Variants in ADPRHL1 observed in about 807,000 individuals in gnomAD.
ADPRHL1 encodes inactive ADP-ribosyltransferase ARH2.
Under a neutral mutation model 44.1 loss-of-function variants are expected in ADPRHL1, and 43 were observed. That is an observed-to-expected ratio of 0.98 (90% CI 0.76 to 1.26). The LOEUF (loss-of-function observed/expected upper bound fraction) is 1.26, where lower values mean the gene tolerates loss of function less well. Ranked by LOEUF, ADPRHL1 falls within the 50% of genes most tolerant of loss-of-function variation. ADPRHL1 has a pLI of 0.00. For missense variants in ADPRHL1, 2,022 were observed against 2,496.9 expected (o/e 0.81, Z 4.05); for synonymous variants, 878 against 1,017.4 (o/e 0.86, Z 2.61).
Position 113,451,530 on chromosome 13 carries a change from C to T in ADPRHL1, c.214+1694G>A, listed in dbSNP as rs147451702. Among the ~76,000 whole-genome samples the T allele has an allele frequency of 1.5e-4, 23 of 152,272 alleles. No homozygotes were observed. The East Asian group carries it at 4.1e-3, about 27-fold the overall frequency. On this transcript the variant is annotated intron_variant, in intron 1 of 7. Coordinates refer to ENST00000612156, the MANE Select transcript of ADPRHL1 (RefSeq NM_001394807.1). ...ACTTACTTCCTCCTTAAGAATAGCG[C>T]CCCATGGTGGCTCACGCCTGTCATC...
chr13:113,415,318 T>G (rs1256027428), intron 7 of ADPRHL1, among the ~76,000 whole-genome samples: 2 of 152,148 alleles, frequency 1.3e-5, no homozygotes, highest in African/African-American at 4.8e-5. Context: ...TGGAAAGGGT[T>G]TAACCAAAGG....
At chr13:113,425,670 C>A (rs2043963183) in intron 4 of ADPRHL1, among the ~76,000 whole-genome samples, 2 of 147,878 alleles carry the variant, frequency 1.4e-5, no homozygotes, top group South Asian at 2.2e-4. Context: ...CCATGCCCGG[C>A]CTCTTTTTTC....
At chr13:113,422,077 C>T (rs2043927937) in intron 7 of ADPRHL1, 1 of 152,262 alleles carries the variant, frequency 6.6e-6, no homozygotes. Flanking sequence ...GACAGCGCTT[C>T]CTCGTCAGCG....
Position 113,407,220 on chromosome 13 carries a change from G to T in ADPRHL1, c.2062C>A (p.Pro688Thr). The change falls in exon 8 of 8, where the codon CCC becomes ACC. Residue 688 changes from proline to threonine, a missense_variant. Coordinates refer to ENST00000612156, the MANE Select transcript of ADPRHL1 (RefSeq NM_001394807.1). ...TGAGCCATCACCTGGGGTGTCACGG[G>T]CTTCGAGGGCCTTGGCTGTCTTTGG... ...EPQRQPRPSK[P>T]VTPQVMAQRD... The T allele has an allele frequency of 1.6e-6, 2 of 1,232,240 alleles. No individual in the cohort carries two copies. Among genetic ancestry groups the T allele is most frequent in the Non-Finnish European group, 2.0e-6 (2 of 988,102 alleles). 76.3% of individuals were successfully genotyped at this position (1,232,240 alleles called of 1,614,324 possible).
At position 113,429,788 on chromosome 13, in the gene ADPRHL1, G is replaced by T. The variant is rs191086248; in HGVS notation, c.506-696C>A. Among the ~76,000 whole-genome samples, 82 of 152,312 alleles carry T rather than the reference G, an allele frequency of 5.4e-4. No homozygotes were observed. In the Middle Eastern group the frequency reaches 0.01, roughly 19 times the overall value. On this transcript the variant is annotated intron_variant, in intron 3 of 7. Transcript: ENST00000612156. ...CTCACTCGCCCTGCTGGTGCTTGGG[G>T]CTTTTCTTGCCTAACTTCTGGGCGT...
chr13:113,431,265 G>A (rs1005666438), intron 3 of ADPRHL1, among the ~76,000 whole-genome samples: 16 of 152,242 alleles, frequency 1.1e-4, no homozygotes, highest in African/African-American at 2.7e-4. Context: ...CTGGGCCCAC[G>A]GTGAACGGCC....
intron 7 of ADPRHL1, among the ~76,000 whole-genome samples, chr13:113,413,899 C>T (rs894971133): frequency 1.3e-5 from 2 of 152,232 alleles, no homozygotes; most frequent in Non-Finnish European, 2.9e-5. Flanking sequence ...GTGGCTCTGG[C>T]CAGCCAGAGA....
At position 113,441,270 on chromosome 13, in the gene ADPRHL1, G is replaced by A. The variant is rs763862828; in HGVS notation, c.379+3155C>T. The stretch of plus-strand genomic sequence containing the variant: ...GGTCTTCACACCATTCGCATTTGGC[G>A]TCATTATTATTATCTTGTTTGTTTT... On this transcript the variant is annotated intron_variant, in intron 2 of 7. Coordinates refer to ENST00000612156, the MANE Select transcript of ADPRHL1 (RefSeq NM_001394807.1). The surrounding 1 kb of genome is among the most constrained non-coding windows in gnomAD (Gnocchi z 6.0). Among the ~76,000 whole-genome samples the A allele has an allele frequency of 5.9e-5, 9 of 152,182 alleles. No individual in the cohort carries two copies. Among genetic ancestry groups the A allele is most frequent in the African/African-American group, 1.9e-4 (8 of 41,438 alleles).
chr13:113,446,237 T>C (rs2044136933), intron 1 of ADPRHL1, among the ~76,000 whole-genome samples: 1 of 135,596 alleles, frequency 7.4e-6, no homozygotes. Flanking sequence ...CTCAGGGCCC[T>C]GCAGCTGCAA....
chr13:113,400,776 T>G lies in ADPRHL1; in HGVS notation c.*2602A>C, dbSNP rs74674723. On this transcript the variant is annotated 3_prime_UTR_variant, in exon 8 of 8. Coordinates refer to ENST00000612156, the MANE Select transcript of ADPRHL1 (RefSeq NM_001394807.1). ...GTCATGCTGGGCTGCATCTGGCACA[T>G]GGAGAGGACGGGCCAGTCGAGCAGG... 6.6e-6 allele frequency: 1 copy of G among 152,162 alleles called. No homozygotes were observed. The highest frequency in any genetic ancestry group is 1.5e-5 in the Non-Finnish European group (1 of 68,062). The allele number at this position is 152,162 out of a possible 1,614,324, so 9.4% of individuals were successfully genotyped here. A position where few individuals can be genotyped will look rare whatever the true frequency, so the allele number is the denominator to read the frequency against.
intron 7 of ADPRHL1, among the ~76,000 whole-genome samples, chr13:113,420,949 C>A (rs1382556299): frequency 2.9e-5 from 1 of 34,580 alleles, no homozygotes; most frequent in East Asian, 9.1e-4. Flanking sequence ...ACAACCCTAC[C>A]CCCCCCGACA....
rs1447884519 is a variant in ADPRHL1, at chr13:113,406,281, CCTT to C, written c.2998_3000del (p.Lys1000del). On this transcript the variant is annotated inframe_deletion, in exon 8 of 8. Coordinates refer to ENST00000612156, the MANE Select transcript of ADPRHL1 (RefSeq NM_001394807.1). Reference sequence around the variant, plus strand: ...GCTGCAGGATCATTTGTTGCGGAGCCCTTCTTCTGCATTGATATTTCATTAGAT... The same window carrying C: ...GCTGCAGGATCATTTGTTGCGGAGCCCTTCTGCATTGATATTTCATTAGAT... 3.2e-6 allele frequency: 4 copies of C among 1,231,960 alleles called. No individual in the cohort carries two copies. Among genetic ancestry groups the C allele is most frequent in the Non-Finnish European group, 4.0e-6 (4 of 987,982 alleles). 76.3% of individuals were successfully genotyped at this position (1,231,960 alleles called of 1,614,324 possible).
chr13:113,416,760 G>A lies in ADPRHL1; in HGVS notation c.1061+6066C>T, dbSNP rs185499196. Among the ~76,000 whole-genome samples, 192 of 152,308 alleles carry A rather than the reference G, an allele frequency of 1.3e-3. 1 individual carries two copies. Among genetic ancestry groups the A allele is most frequent in the Middle Eastern group, 3.4e-3 (1 of 294 alleles). ...ATAGCGTTATTGAAGGTTAAATTCC[G>A]ATTTTGAATAAGCAAACAGTGGTTA... On this transcript the variant is annotated intron_variant, in intron 7 of 7. Coordinates refer to ENST00000612156, the MANE Select transcript of ADPRHL1 (RefSeq NM_001394807.1).
At chr13:113,451,632 ACCCCG>A (rs2044179782) in intron 1 of ADPRHL1, among the ~76,000 whole-genome samples, 4 of 151,760 alleles carry the variant, frequency 2.6e-5, no homozygotes, top group Admixed American at 1.3e-4. Flanking sequence ...ACGTGGTGAA[ACCCCG>A]TCTCTACTAA....
intron 1 of ADPRHL1, among the ~76,000 whole-genome samples, chr13:113,452,203 G>A (rs1224034543): frequency 2.6e-5 from 4 of 152,300 alleles, no homozygotes; most frequent in South Asian, 2.1e-4. Context: ...ACGAGTGGCC[G>A]CCTGGAAAAC....
rs2043755474 is a variant in ADPRHL1 at position 113,400,809 on chromosome 13, C to T, written c.*2569G>A. 6.6e-6 allele frequency: 1 copy of T among 152,226 alleles called. No individual in the cohort carries two copies. The highest frequency in any genetic ancestry group is 2.1e-4 in the South Asian group (1 of 4,828). 9.4% of individuals were successfully genotyped at this position (152,226 alleles called of 1,614,324 possible). On this transcript the variant is annotated 3_prime_UTR_variant, in exon 8 of 8. Coordinates refer to ENST00000612156, the MANE Select transcript of ADPRHL1 (RefSeq NM_001394807.1). ...ACGGGCCAGTCGAGCAGGTGGCCTC[C>T]TGGCCGCTCACAGACTCTGCGCCCG...
chr13:113,429,133 C>A, intron 3 of ADPRHL1, 41 bp from the exon 4 acceptor site: 1 of 1,583,966 alleles, frequency 6.3e-7, no homozygotes, highest in Non-Finnish European at 8.6e-7. Flanking sequence ...ATCACCTGGG[C>A]CGCTTGGGAG....
intron 3 of ADPRHL1, among the ~76,000 whole-genome samples, chr13:113,431,083 AG>A (rs1260951035): frequency 5.9e-5 from 9 of 152,084 alleles, no homozygotes; most frequent in Non-Finnish European, 1.5e-5. Context: ...GGTGTGTCTG[AG>A]GCCCACAGCC....
chr13:113,405,091 C>T lies in ADPRHL1; in HGVS notation c.4191G>A (p.Lys1397=), dbSNP rs1056282574. The change falls in exon 8 of 8, where the codon AAG becomes AAA. Residue 1397 remains lysine, a synonymous_variant. Coordinates refer to ENST00000612156, the MANE Select transcript of ADPRHL1 (RefSeq NM_001394807.1). Reference sequence around the variant, plus strand: ...CCTTCGAGCCCGACGGCGCCACCCTCTTCCCCGCATCCCCGGGCTGGGGGG... The same window carrying T: ...CCTTCGAGCCCGACGGCGCCACCCTTTTCCCCGCATCCCCGGGCTGGGGGG... ...EETPQPGDAG[K]RVAPSGSKVV... The T allele has an allele frequency of 1.1e-5, 14 of 1,232,262 alleles. No homozygotes were observed. Among genetic ancestry groups the T allele is most frequent in the Non-Finnish European group, 1.4e-5 (14 of 988,360 alleles). The allele number at this position is 1,232,262 out of a possible 1,614,324, so 76.3% of individuals were successfully genotyped here.
Sources: allele counts gnomAD v4.1 joint callset (sites outside exome capture counted in the v4.1 genomes callset), GRCh38; gene constraint gnomAD v4.1.1; non-coding constraint Gnocchi (gnomAD v3.1); transcripts MANE v1.5; gene names NCBI Gene and HGNC (gene_info 2026-07-23, HGNC 2026-07-21).